KDM2B: variants seen among roughly 807,000 people sequenced by gnomAD.
KDM2B encodes the protein lysine-specific demethylase 2B.
KDM2B carries 26 observed loss-of-function variants against 150.0 expected under a neutral mutation model. That is an observed-to-expected ratio of 0.17 (90% CI 0.13 to 0.24). KDM2B has a LOEUF of 0.24. KDM2B is among the 10% of genes least tolerant of loss of function. The probability of loss-of-function intolerance (pLI) is 1.00; values close to 1 mark genes in which losing one functional copy is unlikely to be tolerated. For synonymous variants in KDM2B, 734 were observed against 729.5 expected, an observed-to-expected ratio of 1.01 and a Z score of -0.10; for missense variants, 1,265 against 1,816.9, an observed-to-expected ratio of 0.70 and a Z score of 5.52.
chr12:121,510,070 G>C, intron 10 of KDM2B, 31 bp from the exon 11 acceptor site: 1 of 1,508,582 alleles, frequency 6.6e-7, no homozygotes, highest in Non-Finnish European at 8.8e-7. Context: ...GAAAGACCGA[G>C]ATGACACCTA....
At chr12:121,539,063 T>C (rs2141724853) in intron 6 of KDM2B, among the ~76,000 whole-genome samples, 1 of 152,068 alleles carries the variant, frequency 6.6e-6, no homozygotes, top group African/African-American at 2.4e-5. Flanking sequence ...TTCCAGCCTC[T>C]CCATTCTTTC....
intron 11 of KDM2B, among the ~76,000 whole-genome samples, chr12:121,502,998 GC>G (rs1372289985): frequency 2.2e-5 from 3 of 139,478 alleles, no homozygotes; most frequent in African/African-American, 8.0e-5. Flanking sequence ...TTTTTTTTGA[GC>G]AGAGTTTTGC....
At chr12:121,505,975 G>A (rs973843102) in intron 11 of KDM2B, among the ~76,000 whole-genome samples, 3 of 152,188 alleles carry the variant, frequency 2.0e-5, no homozygotes, top group African/African-American at 7.2e-5. Context: ...CTCCCACCCT[G>A]AAAGTCAGTC....
At chr12:121,503,134 C>A (rs147322204) in intron 11 of KDM2B, among the ~76,000 whole-genome samples, 2 of 151,814 alleles carry the variant, frequency 1.3e-5, no homozygotes, top group Non-Finnish European at 2.9e-5. Context: ...TGCGCCATCA[C>A]GCCCAACTAA....
At chr12:121,417,333 A>G in the KDM2B span, among the ~76,000 whole-genome samples, 1 of 152,224 alleles carries the variant, frequency 6.6e-6, no homozygotes, top group Admixed American at 6.5e-5. The surrounding 1 kb of genome is among the most constrained non-coding windows in gnomAD (Gnocchi z 5.0). Context: ...TTGGCAATGA[A>G]TATTTTGATT....
chr12:121,429,089 T>C (rs1555284742), downstream of KDM2B: 1 of 152,672 alleles, frequency 6.5e-6, no homozygotes, highest in Non-Finnish European at 1.5e-5. Flanking sequence ...AATCAGAAAT[T>C]ACATTGTTTG....
chr12:121,420,158 A>G, the KDM2B span: 1 of 1,239,300 alleles, frequency 8.1e-7, no homozygotes, highest in Non-Finnish European at 1.2e-6. Flanking sequence ...TCTGGTCATC[A>G]TGGGGAGCAT....
chr12:121,526,555 T>A (rs1009782621), intron 8 of KDM2B, among the ~76,000 whole-genome samples: 2 of 151,790 alleles, frequency 1.3e-5, no homozygotes, highest in African/African-American at 2.4e-5. Flanking sequence ...GGGCCTTAGG[T>A]ATTTTCTTTA....
intron 6 of KDM2B, 39 bp from the exon 7 acceptor site, chr12:121,534,629 A>T (rs781928272): frequency 6.7e-7 from 1 of 1,489,376 alleles, no homozygotes; most frequent in South Asian, 1.1e-5. Flanking sequence ...ACAAGTCAAG[A>T]TCTAAATCAC....
intron 4 of KDM2B, among the ~76,000 whole-genome samples, chr12:121,570,197 C>T (rs1890995974): frequency 6.6e-6 from 1 of 151,936 alleles, no homozygotes. Context: ...TTACAGGTGC[C>T]CGCCACCATG....
chr12:121,484,532 T>C (rs782030615), intron 12 of KDM2B, among the ~76,000 whole-genome samples: 1 of 151,980 alleles, frequency 6.6e-6, no homozygotes, highest in African/African-American at 2.4e-5. Context: ...TTAACGAAGA[T>C]GGAGGCCGGA....
At chr12:121,544,610 C>T (rs1364857781) in intron 6 of KDM2B, among the ~76,000 whole-genome samples, 1 of 147,194 alleles carries the variant, frequency 6.8e-6, no homozygotes, top group African/African-American at 2.5e-5. Flanking sequence ...TCTCCGTCCC[C>T]CCCCAAAAAA....
chr12:121,578,978 A>G (rs782585206), intron 1 of KDM2B, 32 bp from the exon 2 acceptor site: 2 of 1,599,974 alleles, frequency 1.3e-6, no homozygotes, highest in Non-Finnish European at 1.7e-6. Flanking sequence ...AGCCCGGGAC[A>G]TTATTGTGGG....
At chr12:121,416,110 G>A in the KDM2B span, 3 of 1,491,080 alleles carry the variant, frequency 2.0e-6, no homozygotes, top group Non-Finnish European at 2.8e-6. Context: ...ATCCCAGAGA[G>A]CCCAGATTCC....
rs1555291952 is a variant in KDM2B at position 121,453,020 on chromosome 12, CTGTG to C, written c.1959+96_1959+99del. 9.0e-7 allele frequency: 1 copy of C among 1,106,026 alleles called. No individual in the cohort carries two copies. The highest frequency in any genetic ancestry group is 2.7e-5 in the East Asian group (1 of 37,478). The allele number at this position is 1,106,026 out of a possible 1,614,324, so 68.5% of individuals were successfully genotyped here. A position where few individuals can be genotyped will look rare whatever the true frequency, so the allele number is the denominator to read the frequency against. On this transcript the variant is annotated intron_variant, in intron 13 of 22. Transcript: ENST00000377071. This position sits in a 1 kb window ranked among gnomAD's most constrained non-coding sequence, Gnocchi z 6.4. ...CGGGGAGTCCACAGCCCCGGCTTCT[CTGTG>C]TGCGGAGGGGCGGCCAGAGCGAGCA...
chr12:121,499,280 T>G (rs1415055860), intron 11 of KDM2B, among the ~76,000 whole-genome samples: 7 of 151,556 alleles, frequency 4.6e-5, no homozygotes, highest in Non-Finnish European at 8.8e-5. Flanking sequence ...CAGCTAATTT[T>G]TGTATCTTTT....
At chr12:121,527,356 A>T (rs1566378511) in intron 8 of KDM2B, among the ~76,000 whole-genome samples, 4 of 1,382 alleles carry the variant, frequency 2.9e-3, no homozygotes, top group Non-Finnish European at 0.012. Flanking sequence ...CCTAAAAAAA[A>T]ATTGTTTAAA....
At chr12:121,412,035 C>G in the KDM2B span, among the ~76,000 whole-genome samples, 1 of 152,026 alleles carries the variant, frequency 6.6e-6, no homozygotes, top group Non-Finnish European at 1.5e-5. Flanking sequence ...GTGGATGAAT[C>G]CTTTACTTAA....
chr12:121,413,960 T>G, the KDM2B span, among the ~76,000 whole-genome samples: 4 of 152,214 alleles, frequency 2.6e-5, no homozygotes, highest in African/African-American at 9.7e-5. Context: ...CTTTGATACT[T>G]CAGACTGTTT....
Sources: gnomAD v4.1 joint callset for allele counts (sites outside exome capture counted in the v4.1 genomes callset) on GRCh38, gnomAD v4.1.1 for gene constraint, Gnocchi (gnomAD v3.1) non-coding constraint, MANE v1.5 for transcripts, NCBI Gene and HGNC (gene_info 2026-07-23, HGNC 2026-07-21) for gene names.